Variants in WASHC4 observed in about 807,000 individuals in gnomAD.
The protein encoded by WASHC4 is WASH complex subunit 7.
A neutral mutation model predicts 166.6 loss-of-function variants in WASHC4; 86 were observed. The ratio of observed to expected loss-of-function variants is 0.52; its 90% CI spans 0.43 to 0.62. The LOEUF (loss-of-function observed/expected upper bound fraction) is 0.62. WASHC4 is among the 20% of genes least tolerant of loss of function. The pLI is 0.00. For missense variants in WASHC4, 1,262 were observed against 1,382.4 expected (o/e 0.91, Z 1.38); for synonymous variants, 446 against 451.6 (o/e 0.99, Z 0.16).
Position 105,118,532 on chromosome 12 carries a change from A to G in WASHC4, c.518+4A>G, listed in dbSNP as rs1177672960. On this transcript the variant is annotated splice_donor_region_variant and intron_variant, in intron 7 of 32. Coordinates refer to ENST00000332180, the MANE Select transcript of WASHC4 (RefSeq NM_015275.3). ...CTGCCCTCTATATCAGTAACAAGTA[A>G]TGGATTTTAGAAATATTTTTGCTTT... 11 of 1,568,838 alleles carry G rather than the reference A, an allele frequency of 7.0e-6. No homozygotes were observed. Among genetic ancestry groups the G allele is most frequent in the African/African-American group, 1.4e-5 (1 of 73,974 alleles).
intron 10 of WASHC4, among the ~76,000 whole-genome samples, chr12:105,123,963 A>G (rs1334246523): frequency 2.0e-5 from 3 of 152,192 alleles, no homozygotes; most frequent in African/African-American, 7.2e-5. Flanking sequence ...GCATATCAAC[A>G]TTGAGGCAAG....
intron 30 of WASHC4, 83 bp from the exon 31 acceptor site, chr12:105,164,028 A>C (rs1329773186): frequency 6.8e-6 from 8 of 1,171,826 alleles, no homozygotes; most frequent in Non-Finnish European, 1.3e-6. Context: ...CAGAATGCTT[A>C]GTGTTGGGAA....
chr12:105,144,967 G>A (rs1883178222), intron 22 of WASHC4, 95 bp downstream of exon 22: 2 of 1,218,524 alleles, frequency 1.6e-6, no homozygotes, highest in South Asian at 1.3e-5. Flanking sequence ...TAGTTAGTAT[G>A]TGCTTATTTT....
intron 2 of WASHC4, among the ~76,000 whole-genome samples, chr12:105,113,457 C>T (rs1410551217): frequency 5.3e-5 from 8 of 151,972 alleles, no homozygotes; most frequent in South Asian, 2.1e-4. Context: ...ACTCCATCTC[C>T]GCAGTTGCTC....
At chr12:105,164,595 TA>T in intron 31 of WASHC4, 45 bp from the exon 32 acceptor site, 1 of 1,335,542 alleles carries the variant, frequency 7.5e-7, no homozygotes, top group Non-Finnish European at 1.1e-6. Context: ...TATTTTGCCA[TA>T]ATAAGTATTT....
intron 13 of WASHC4, among the ~76,000 whole-genome samples, chr12:105,129,871 A>T (rs916320006): frequency 5.9e-5 from 9 of 152,280 alleles, no homozygotes; most frequent in African/African-American, 2.2e-4. Flanking sequence ...GGCAGGCATT[A>T]TGCTAATAGC....
chr12:105,151,378 A>G (rs1327974391), intron 25 of WASHC4, among the ~76,000 whole-genome samples: 1 of 152,084 alleles, frequency 6.6e-6, no homozygotes. Flanking sequence ...GTTCTCTTGT[A>G]TAATGGTTGC....
chr12:105,113,437 T>C (rs1210310275), intron 2 of WASHC4, among the ~76,000 whole-genome samples: 1 of 152,024 alleles, frequency 6.6e-6, no homozygotes, highest in Non-Finnish European at 1.5e-5. Flanking sequence ...ACAATCTTAT[T>C]ATATGACAGA....
At chr12:105,164,023 T>C (rs915385188) in intron 30 of WASHC4, 88 bp from the exon 31 acceptor site, 2 of 1,130,792 alleles carry the variant, frequency 1.8e-6, no homozygotes, top group Non-Finnish European at 2.7e-6. Context: ...TTACTCAGAA[T>C]GCTTAGTGTT....
rs747366597 is a variant in WASHC4 at position 105,140,420 on chromosome 12, A to G, written c.1560+19A>G. Reference sequence around the variant, plus strand: ...GGCCAAGGTATGCAGCTTATTATGTATTTAGCATAAGTATGTTATCTTTTT... The same window carrying G: ...GGCCAAGGTATGCAGCTTATTATGTGTTTAGCATAAGTATGTTATCTTTTT... On this transcript the variant is annotated intron_variant, in intron 16 of 32. Transcript: ENST00000332180. 4.7e-6 allele frequency: 7 copies of G among 1,493,614 alleles called. No homozygotes were observed. Among genetic ancestry groups the G allele is most frequent in the Non-Finnish European group, 6.5e-6 (7 of 1,070,264 alleles). The allele number at this position is 1,493,614 out of a possible 1,614,324, so 92.5% of individuals were successfully genotyped here. A position where few individuals can be genotyped will look rare whatever the true frequency, so the allele number is the denominator to read the frequency against.
At position 105,122,301 on chromosome 12, in the gene WASHC4, ATAG is replaced by A; in HGVS notation, c.786+67_786+69del. ...ATATTAGACGACAAAGCTCAGAATT[ATAG>A]TAGGACACTTTTATAATATACTGTT... On this transcript the variant is annotated intron_variant, in intron 10 of 32. Transcript: ENST00000332180. 3 of 1,521,876 alleles carry A rather than the reference ATAG, an allele frequency of 2.0e-6. No individual in the cohort carries two copies. In the Admixed American group the frequency reaches 5.0e-5, roughly 26 times the overall value. The allele number at this position is 1,521,876 out of a possible 1,614,324, so 94.3% of individuals were successfully genotyped here. A position where few individuals can be genotyped will look rare whatever the true frequency, so the allele number is the denominator to read the frequency against.
intron 11 of WASHC4, 30 bp from the exon 12 acceptor site, chr12:105,126,205 C>T: frequency 6.2e-7 from 1 of 1,612,156 alleles, no homozygotes; most frequent in Non-Finnish European, 8.5e-7. Flanking sequence ...TATATTTGTT[C>T]TGCTTTCTCT....
At chr12:105,129,355 A>T (rs774353006) in intron 13 of WASHC4, among the ~76,000 whole-genome samples, 3 of 152,206 alleles carry the variant, frequency 2.0e-5, no homozygotes, top group African/African-American at 2.4e-5. Context: ...AAGTGCTGGG[A>T]TTATAGGCGT....
intron 14 of WASHC4, among the ~76,000 whole-genome samples, chr12:105,134,901 C>T (rs574525234): frequency 6.6e-6 from 1 of 151,902 alleles, no homozygotes; most frequent in South Asian, 2.1e-4. Flanking sequence ...CTTTTCCTCT[C>T]TCGCTCTTTT....
At chr12:105,156,362 T>C (rs930136596) in intron 26 of WASHC4, 2 of 156,760 alleles carry the variant, frequency 1.3e-5, no homozygotes, top group Admixed American at 6.5e-5. Flanking sequence ...TTTCTTGATA[T>C]CACTTCCAAT....
chr12:105,149,390 C>G, intron 24 of WASHC4: 1 of 1,064,786 alleles, frequency 9.4e-7, no homozygotes, highest in Non-Finnish European at 1.1e-6. Flanking sequence ...TTTCTTTTTT[C>G]TTTTTTAGTA....
At chr12:105,139,341 A>G (rs1394287834) in intron 15 of WASHC4, among the ~76,000 whole-genome samples, 1 of 149,112 alleles carries the variant, frequency 6.7e-6, no homozygotes, top group Non-Finnish European at 1.5e-5. Flanking sequence ...AAAGTTGGTT[A>G]CTGGATTATG....
Position 105,152,486 on chromosome 12 carries a change from C to T in WASHC4, c.2758+35C>T, listed in dbSNP as rs1430632786. On this transcript the variant is annotated intron_variant, in intron 26 of 32. Transcript: ENST00000332180. ...GATAAAAGTGTTGGGAAATCAGGTA[C>T]AGATCCCTACAGTCTATCTCATATA... is the stretch of plus-strand genomic sequence containing the variant. 3 of 1,056,496 alleles carry T rather than the reference C, an allele frequency of 2.8e-6. No homozygotes were observed. The South Asian group carries it at 3.8e-5, about 13-fold the overall frequency. 65.4% of individuals were successfully genotyped at this position (1,056,496 alleles called of 1,614,324 possible). A position where few individuals can be genotyped will look rare whatever the true frequency, so the allele number is the denominator to read the frequency against.
At chr12:105,139,828 G>C (rs990784519) in intron 15 of WASHC4, among the ~76,000 whole-genome samples, 1 of 150,882 alleles carries the variant, frequency 6.6e-6, no homozygotes, top group African/African-American at 2.4e-5. Flanking sequence ...AGAGACTTTT[G>C]ATGAACAGAA....
Sources: gnomAD v4.1 joint callset for allele counts (sites outside exome capture counted in the v4.1 genomes callset) on GRCh38, gnomAD v4.1.1 for gene constraint, MANE v1.5 for transcripts, NCBI Gene and HGNC (gene_info 2026-07-23, HGNC 2026-07-21) for gene names.